SLC46A2: variants seen among roughly 807,000 people sequenced by gnomAD.
SLC46A2 encodes the protein thymic stromal co-transporter.
In SLC46A2, 25 loss-of-function variants were observed where a neutral mutation model predicts 33.1. The ratio of observed to expected loss-of-function variants is 0.76; its 90% CI spans 0.55 to 1.06. SLC46A2 has a LOEUF of 1.06. Among genes scored for constraint, SLC46A2 ranks in the 50% least tolerant of loss-of-function variants. The probability of loss-of-function intolerance (pLI) is 0.00; values close to 1 mark genes in which losing one functional copy is unlikely to be tolerated. For missense variants in SLC46A2, 622 were observed against 621.7 expected, an observed-to-expected ratio of 1.00 and a Z score of 0.00; for synonymous variants, 254 against 275.9, an observed-to-expected ratio of 0.92 and a Z score of 0.79.
At chr9:112,886,090 G>A (rs552946393) in intron 3 of SLC46A2, among the ~76,000 whole-genome samples, 2 of 152,304 alleles carry the variant, frequency 1.3e-5, no homozygotes, top group South Asian at 4.1e-4. Context: ...CTGAAATGAG[G>A]CCTGATGACT....
At position 112,890,060 on chromosome 9, in the gene SLC46A2, G is replaced by C; in HGVS notation, c.622C>G (p.Leu208Val). Residue 208 changes from leucine to valine, a missense_variant, in exon 1 of 4, where the codon CTG (leucine) becomes GTG (valine). Physicochemically the swap from Leu to Val is conservative, Grantham distance 32. Transcript: ENST00000374228. The surrounding 1 kb of genome is among the most constrained non-coding windows in gnomAD (Gnocchi z 6.0). ...MAGHSGQGLILTACSVSCASF... is the reference protein window; with the variant it reads ...MAGHSGQGLIVTACSVSCASF... ...GCACAGCTCACGCTGCAGGCCGTCA[G>C]TATCAGGCCCTGCCCAGAGTGCCCA... The C allele has an allele frequency of 6.2e-7, 1 of 1,613,900 alleles. No homozygotes were observed. The highest frequency in any genetic ancestry group is 2.2e-5 in the East Asian group (1 of 44,874).
At chr9:112,880,944 A>G (rs1240430249) in intron 3 of SLC46A2, among the ~76,000 whole-genome samples, 1 of 151,796 alleles carries the variant, frequency 6.6e-6, no homozygotes, top group Non-Finnish European at 1.5e-5. Context: ...TTGCATCCAC[A>G]TTTTCTTTTT....
In SLC46A2 at chr9:112,879,344, G is replaced by A. The variant is rs1841550676; in HGVS notation, c.*418C>T. 6.1e-6 allele frequency: 1 copy of A among 164,702 alleles called. No individual in the cohort carries two copies. Among genetic ancestry groups the A allele is most frequent in the African/African-American group, 2.4e-5 (1 of 41,948 alleles). 10.2% of individuals were successfully genotyped at this position (164,702 alleles called of 1,614,324 possible). A position where few individuals can be genotyped will look rare whatever the true frequency, so the allele number is the denominator to read the frequency against. ...AATGCACGCTTTGAGTTCTCCCATG[G>A]GACTTTCAGCACAGCACCCAGGTGA... On this transcript the variant is annotated 3_prime_UTR_variant, in exon 4 of 4. Coordinates refer to ENST00000374228, the MANE Select transcript of SLC46A2 (RefSeq NM_033051.4).
rs1827219801 is a variant in SLC46A2 at position 112,890,758 on chromosome 9, C to T, written c.-77G>A. ...ATGCTCCCAAATTCGGCTGCTACGG[C>T]TGCTCAGGTTTCAGTCCCGGAGCGC... is the stretch of plus-strand genomic sequence containing the variant. On this transcript the variant is annotated 5_prime_UTR_variant, in exon 1 of 4. Coordinates refer to ENST00000374228, the MANE Select transcript of SLC46A2 (RefSeq NM_033051.4). This position sits in a 1 kb window ranked among gnomAD's most constrained non-coding sequence, Gnocchi z 6.0. 6.7e-7 allele frequency: 1 copy of T among 1,484,742 alleles called. No homozygotes were observed. 92.0% of individuals were successfully genotyped at this position (1,484,742 alleles called of 1,614,324 possible).
rs1428704804 is a variant in SLC46A2 at position 112,879,137 on chromosome 9, A to T, written c.*625T>A. The stretch of plus-strand genomic sequence containing the variant: ...CTTCTTAAAAGCAACAGTAGTAACA[A>T]AACTACCCAGAAGACAAGGGCCTGA... On this transcript the variant is annotated 3_prime_UTR_variant, in exon 4 of 4. Transcript: ENST00000374228. 6.6e-6 allele frequency: 1 copy of T among 152,256 alleles called. No homozygotes were observed. Among genetic ancestry groups the T allele is most frequent in the Non-Finnish European group, 1.5e-5 (1 of 68,054 alleles). 9.4% of individuals were successfully genotyped at this position (152,256 alleles called of 1,614,324 possible).
At chr9:112,884,012 G>A (rs1190805616) in intron 3 of SLC46A2, among the ~76,000 whole-genome samples, 1 of 152,164 alleles carries the variant, frequency 6.6e-6, no homozygotes, top group Non-Finnish European at 1.5e-5. Context: ...TGTTTATGAA[G>A]AATGAGGCAT....
At chr9:112,886,384 GC>G in intron 3 of SLC46A2, 75 bp downstream of exon 3, 1 of 1,484,862 alleles carries the variant, frequency 6.7e-7, no homozygotes, top group Non-Finnish European at 9.4e-7. Context: ...GTGATGGTGG[GC>G]TGGAGAAGGT....
Position 112,887,376 on chromosome 9 carries a change from T to G in SLC46A2, c.1167A>C (p.Thr389=). The change falls in exon 2 of 4, where the codon ACA becomes ACC. Residue 389 remains threonine, a synonymous_variant. Transcript: ENST00000374228. Reference sequence around the variant, plus strand: ...GTTTGGACATAGCTGATCGGATGGTTGTGACGGGGATGAGAGCAAACAGCA... The same window carrying G: ...GTTTGGACATAGCTGATCGGATGGTGGTGACGGGGATGAGAGCAAACAGCA... ...AVMLFALIPV[T]TIRSAMSKLI... 2 of 1,611,858 alleles carry G rather than the reference T, an allele frequency of 1.2e-6. No individual in the cohort carries two copies. The highest frequency in any genetic ancestry group is 1.7e-6 in the Non-Finnish European group (2 of 1,179,094).
At chr9:112,882,031 A>T (rs1270649160) in intron 3 of SLC46A2, among the ~76,000 whole-genome samples, 3 of 152,052 alleles carry the variant, frequency 2.0e-5, no homozygotes, top group Non-Finnish European at 4.4e-5. Flanking sequence ...CAGGAATAGG[A>T]GGTGAGAGAG....
At chr9:112,883,700 CTT>C (rs71384287) in intron 3 of SLC46A2, among the ~76,000 whole-genome samples, 171 of 121,314 alleles carry the variant, frequency 1.4e-3, no homozygotes, top group South Asian at 4.5e-3. Context: ...TTTTTCTTTT[CTT>C]TTTTTTTTTT....
intron 1 of SLC46A2, among the ~76,000 whole-genome samples, chr9:112,888,781 T>A (rs1000703755): frequency 2.0e-5 from 3 of 152,238 alleles, no homozygotes; most frequent in African/African-American, 7.2e-5. Context: ...ACCGAGTATT[T>A]TAATGCATTT....
chr9:112,885,044 G>T lies in SLC46A2; in HGVS notation c.1370+1416C>A, dbSNP rs539006748. On this transcript the variant is annotated intron_variant, in intron 3 of 3. Transcript: ENST00000374228. ...AAAAGTCCTTAGGGTCGGACAGTTC[G>T]AAGACAGAGCTAGCTCAGTTTGCAC... is the stretch of plus-strand genomic sequence containing the variant. The T allele has an allele frequency of 2.0e-5, 3 of 152,304 alleles. No individual in the cohort carries two copies. The East Asian group carries it at 5.8e-4, about 29-fold the overall frequency. The allele number at this position is 152,304 out of a possible 1,614,324, so 9.4% of individuals were successfully genotyped here.
rs903025062 is a variant in SLC46A2 at position 112,888,650 on chromosome 9, A to G, written c.1129+903T>C. Among the ~76,000 whole-genome samples the G allele has an allele frequency of 4.6e-5, 7 of 152,240 alleles. No homozygotes were observed. The East Asian group carries it at 1.2e-3, about 25-fold the overall frequency. On this transcript the variant is annotated intron_variant, in intron 1 of 3. Transcript: ENST00000374228. ...ATAGCAACTATTTCCATCATTCTAG[A>G]AAGTTCTATTGGAGCATTCATCTCG...
chr9:112,884,136 G>A (rs1399629964), intron 3 of SLC46A2, among the ~76,000 whole-genome samples: 3 of 152,200 alleles, frequency 2.0e-5, no homozygotes, highest in Non-Finnish European at 2.9e-5. Flanking sequence ...AACAAGAGAG[G>A]GCAAGTTCTT....
intron 3 of SLC46A2, 49 bp from the exon 4 acceptor site, chr9:112,879,868 TA>T: frequency 6.4e-7 from 1 of 1,558,838 alleles, no homozygotes; most frequent in Non-Finnish European, 8.8e-7. Flanking sequence ...TGGAATGGGG[TA>T]AAGGTGAAAC....
chr9:112,879,645 T>A lies in SLC46A2; in HGVS notation c.*117A>T, dbSNP rs939455904. The stretch of plus-strand genomic sequence containing the variant: ...AGGTCATTCTGAGGCCAACTCTGGC[T>A]GGAACGCAGGTTTCTTAAGCAGTGG... On this transcript the variant is annotated 3_prime_UTR_variant, in exon 4 of 4. Transcript: ENST00000374228. 1.0e-4 allele frequency: 96 copies of A among 918,498 alleles called. No individual in the cohort carries two copies. In the African/African-American group the frequency reaches 1.3e-3, roughly 13 times the overall value. The allele number at this position is 918,498 out of a possible 1,614,324, so 56.9% of individuals were successfully genotyped here. A position where few individuals can be genotyped will look rare whatever the true frequency, so the allele number is the denominator to read the frequency against.
At chr9:112,883,197 C>T (rs559826096) in intron 3 of SLC46A2, among the ~76,000 whole-genome samples, 1 of 152,072 alleles carries the variant, frequency 6.6e-6, no homozygotes, top group African/African-American at 2.4e-5. Context: ...TGAGACAGCA[C>T]GTGCAGACCT....
chr9:112,887,466 G>C (rs1213362227), intron 1 of SLC46A2, 53 bp from the exon 2 acceptor site: 1 of 1,507,786 alleles, frequency 6.6e-7, no homozygotes, highest in Admixed American at 2.2e-5. Context: ...CTGGGCCAAG[G>C]AGGAAATTAT....
chr9:112,883,131 G>A (rs1225007077), intron 3 of SLC46A2, among the ~76,000 whole-genome samples: 1 of 152,210 alleles, frequency 6.6e-6, no homozygotes, highest in Non-Finnish European at 1.5e-5. Context: ...GAGTTGAGCA[G>A]GGGGAACCAA....
Sources: allele counts gnomAD v4.1 joint callset (sites outside exome capture counted in the v4.1 genomes callset), GRCh38; gene constraint gnomAD v4.1.1; non-coding constraint Gnocchi (gnomAD v3.1); transcripts MANE v1.5; gene names NCBI Gene and HGNC (gene_info 2026-07-23, HGNC 2026-07-21).